The following AGBL4 variants were observed in gnomAD, a reference collection of about 807,000 sequenced individuals.
AGBL4 encodes cytosolic carboxypeptidase 6.
In AGBL4, 58 loss-of-function variants were observed where a neutral mutation model predicts 66.4. The observed-to-expected ratio is 0.87, with a 90% CI of 0.71 to 1.09. The LOEUF (loss-of-function observed/expected upper bound fraction) is 1.09, where lower values mean the gene tolerates loss of function less well. Ranked by LOEUF, AGBL4 falls within the 50% of genes least tolerant of loss-of-function variation. The pLI is 0.00. For synonymous variants in AGBL4, 234 were observed against 222.9 expected (o/e 1.05, Z -0.44); for missense variants, 579 against 631.0 (o/e 0.92, Z 0.88).
intron 3 of AGBL4, among the ~76,000 whole-genome samples, chr1:49,257,857 C>T (rs1652686069): frequency 6.6e-6 from 1 of 152,178 alleles, no homozygotes; most frequent in Non-Finnish European, 1.5e-5. Context: ...CAGACTGCCT[C>T]CTCTAGAGGG....
At chr1:48,913,564 G>T (rs2148884031) in intron 5 of AGBL4, among the ~76,000 whole-genome samples, 1 of 152,234 alleles carries the variant, frequency 6.6e-6, no homozygotes, top group South Asian at 2.1e-4. Flanking sequence ...GAAGGATCTA[G>T]GTTGTGGGCT....
intron 3 of AGBL4, among the ~76,000 whole-genome samples, chr1:49,266,839 C>G (rs1339662506): frequency 6.6e-6 from 1 of 152,158 alleles, no homozygotes; most frequent in Non-Finnish European, 1.5e-5. Context: ...AAAGTTTTAA[C>G]TTTCACTGAA....
At chr1:48,831,195 T>C (rs1487083598) in intron 6 of AGBL4, among the ~76,000 whole-genome samples, 1 of 152,130 alleles carries the variant, frequency 6.6e-6, no homozygotes, top group Non-Finnish European at 1.5e-5. Context: ...GGCAGAAGTA[T>C]AGTCTATAAG....
intron 3 of AGBL4, among the ~76,000 whole-genome samples, chr1:49,578,116 G>A (rs1644471886): frequency 6.6e-6 from 1 of 152,166 alleles, no homozygotes; most frequent in African/African-American, 2.4e-5. Flanking sequence ...TACAAGTTAA[G>A]ATTGCCACCT....
chr1:49,602,979 C>G (rs1404428590), intron 3 of AGBL4, among the ~76,000 whole-genome samples: 1 of 152,050 alleles, frequency 6.6e-6, no homozygotes, highest in East Asian at 1.9e-4. Flanking sequence ...CATACAACAA[C>G]CCTTTAAAAA....
At chr1:49,500,538 C>T (rs1299603778) in intron 3 of AGBL4, among the ~76,000 whole-genome samples, 2 of 151,796 alleles carry the variant, frequency 1.3e-5, no homozygotes, top group African/African-American at 4.8e-5. Flanking sequence ...TTTGACTCAC[C>T]TTGAGTTGGT....
intron 3 of AGBL4, among the ~76,000 whole-genome samples, chr1:49,616,858 CA>C (rs1468869889): frequency 6.6e-6 from 1 of 152,112 alleles, no homozygotes; most frequent in East Asian, 1.9e-4. Flanking sequence ...GTTATACTGC[CA>C]AATATTCCCA....
intron 4 of AGBL4, among the ~76,000 whole-genome samples, chr1:49,147,807 G>A (rs2148112472): frequency 6.6e-6 from 1 of 152,128 alleles, no homozygotes; most frequent in East Asian, 1.9e-4. Flanking sequence ...CTTGAAGGAT[G>A]GATAGTGCTT....
chr1:48,922,763 T>C (rs1474956765), intron 5 of AGBL4, among the ~76,000 whole-genome samples: 2 of 152,254 alleles, frequency 1.3e-5, no homozygotes, highest in Non-Finnish European at 2.9e-5. Context: ...TTCTAGGAAA[T>C]TTTTAATAAT....
At position 48,924,629 on chromosome 1, in the gene AGBL4, A is replaced by T. The variant is rs574103777; in HGVS notation, c.595-57399T>A. Among the ~76,000 whole-genome samples, 16 of 152,314 alleles carry T rather than the reference A, an allele frequency of 1.1e-4. No individual in the cohort carries two copies. In the South Asian group the frequency reaches 2.3e-3, roughly 22 times the overall value. On this transcript the variant is annotated intron_variant, in intron 5 of 13. Coordinates refer to ENST00000371839, the MANE Select transcript of AGBL4 (RefSeq NM_032785.4). ...AATTCAGGAGACATAAAGCCAATAG[A>T]GTTCACTAAACAATTACCCAACAAA...
intron 3 of AGBL4, among the ~76,000 whole-genome samples, chr1:49,299,757 C>T (rs1644709298): frequency 6.6e-6 from 1 of 152,118 alleles, no homozygotes; most frequent in African/African-American, 2.4e-5. Flanking sequence ...CCATTAAGTA[C>T]CAATGTAATC....
chr1:49,880,459 C>T (rs985400014), intron 1 of AGBL4, among the ~76,000 whole-genome samples: 14 of 152,104 alleles, frequency 9.2e-5, no homozygotes, highest in African/African-American at 3.4e-4. Flanking sequence ...GGGTGCCTCC[C>T]AGTTAGGCTG....
intron 4 of AGBL4, among the ~76,000 whole-genome samples, chr1:49,063,274 C>A (rs1406954323): frequency 1.3e-5 from 2 of 152,160 alleles, no homozygotes; most frequent in Non-Finnish European, 2.9e-5. Context: ...GTCTTTCAAC[C>A]ATTTTTTAGC....
intron 3 of AGBL4, among the ~76,000 whole-genome samples, chr1:49,688,436 C>G (rs1051689612): frequency 4.6e-5 from 7 of 152,150 alleles, no homozygotes; most frequent in Non-Finnish European, 1.0e-4. Context: ...CTGAATAGTA[C>G]TCCATTGTGT....
chr1:48,868,640 A>G (rs918716041), intron 5 of AGBL4, among the ~76,000 whole-genome samples: 21 of 152,284 alleles, frequency 1.4e-4, no homozygotes, highest in African/African-American at 5.1e-4. Flanking sequence ...TGATGTTGTT[A>G]TTATTACAGA....
intron 11 of AGBL4, among the ~76,000 whole-genome samples, chr1:48,548,681 C>T (rs1644204083): frequency 6.6e-6 from 1 of 152,212 alleles, no homozygotes; most frequent in Non-Finnish European, 1.5e-5. Context: ...CTAGAACCCT[C>T]AGCAAGCTCA....
intron 3 of AGBL4, among the ~76,000 whole-genome samples, chr1:49,673,472 C>T (rs1339734649): frequency 2.6e-5 from 4 of 152,100 alleles, no homozygotes; most frequent in Non-Finnish European, 5.9e-5. Context: ...TTGTTTGTAA[C>T]TCAAAGGACA....
intron 1 of AGBL4, among the ~76,000 whole-genome samples, chr1:49,997,341 T>C (rs1660442328): frequency 6.6e-6 from 1 of 151,994 alleles, no homozygotes; most frequent in Non-Finnish European, 1.5e-5. Flanking sequence ...TCACAAAAAC[T>C]CAAGGTAAAG....
At chr1:49,717,325 T>C (rs1430238188) in intron 2 of AGBL4, among the ~76,000 whole-genome samples, 1 of 152,132 alleles carries the variant, frequency 6.6e-6, no homozygotes, top group Admixed American at 6.6e-5. Flanking sequence ...AAGCTACCAC[T>C]GACTTTTTAA....
Sources: gnomAD v4.1 joint callset for allele counts (sites outside exome capture counted in the v4.1 genomes callset) on GRCh38, gnomAD v4.1.1 for gene constraint, MANE v1.5 for transcripts, NCBI Gene and HGNC (gene_info 2026-07-23, HGNC 2026-07-21) for gene names.